The following TIPIN variants were observed in gnomAD, a reference collection of about 807,000 sequenced individuals.
TIPIN encodes TIMELESS-interacting protein.
A neutral mutation model predicts 35.6 loss-of-function variants in TIPIN; 29 were observed. The ratio of observed to expected loss-of-function variants is 0.82; its 90% confidence interval spans 0.61 to 1.11. The LOEUF is 1.11. Among genes scored for constraint, TIPIN ranks in the 50% most tolerant of loss-of-function variants. The pLI, the probability that TIPIN is intolerant of heterozygous loss-of-function variation, is 0.00. For synonymous variants in TIPIN, 102 were observed against 121.5 expected (o/e 0.84, Z 1.06); for missense variants, 296 against 345.4 (o/e 0.86, Z 1.13).
intron 1 of TIPIN, among the ~76,000 whole-genome samples, chr15:66,370,163 A>G (rs1040256023): frequency 6.6e-6 from 1 of 152,070 alleles, no homozygotes; most frequent in East Asian, 1.9e-4. Flanking sequence ...TGTCCTGAGT[A>G]TATCTTCTTT....
intron 1 of TIPIN, among the ~76,000 whole-genome samples, chr15:66,384,098 A>T (rs545363813): frequency 6.9e-6 from 1 of 143,936 alleles, no homozygotes; most frequent in Non-Finnish European, 1.5e-5. Context: ...CCGGGTTCAC[A>T]CCATTCTCCT....
intron 1 of TIPIN, chr15:66,386,315 TA>T (rs553028971): frequency 2.0e-3 from 288 of 142,128 alleles, no homozygotes; most frequent in Middle Eastern, 3.5e-3. Context: ...TTCCCAAGTC[TA>T]AAAAAAAAAA....
chr15:66,337,315 C>A, intron 7 of TIPIN, 134 bp from the exon 8 acceptor site: 9 of 550,766 alleles, frequency 1.6e-5, no homozygotes, highest in Non-Finnish European at 2.1e-5. Context: ...TGATCACTTT[C>A]TTCTAAATAT....
intron 1 of TIPIN, among the ~76,000 whole-genome samples, chr15:66,383,997 ATTTAT>A (rs2093327455): frequency 6.6e-6 from 1 of 151,696 alleles, no homozygotes; most frequent in African/African-American, 2.4e-5. Context: ...TATTTATTTA[ATTTAT>A]TTATTTATTT....
intron 1 of TIPIN, among the ~76,000 whole-genome samples, chr15:66,353,378 G>A (rs1029093389): frequency 2.2e-4 from 34 of 152,072 alleles, no homozygotes; most frequent in South Asian, 2.1e-4. Context: ...AGCACTTTGG[G>A]AGGCCGAGGC....
chr15:66,348,817 C>T (rs1462280693), intron 6 of TIPIN, among the ~76,000 whole-genome samples: 1 of 151,430 alleles, frequency 6.6e-6, no homozygotes, highest in African/African-American at 2.4e-5. Context: ...CAATGGCATG[C>T]ACCTGCAGTC....
chr15:66,378,843 C>T (rs2093307341), intron 1 of TIPIN, among the ~76,000 whole-genome samples: 1 of 151,940 alleles, frequency 6.6e-6, no homozygotes, highest in African/African-American at 2.4e-5. Flanking sequence ...CCTAAGTAAT[C>T]TTCCCACCTC....
rs75982459 is a variant in TIPIN at position 66,385,105 on chromosome 15, T to G, written c.-9+1502A>C. On this transcript the variant is annotated intron_variant, in intron 1 of 7. Transcript: ENST00000562124. The stretch of plus-strand genomic sequence containing the variant: ...TATTTAGTGACTTAATCAACCATCC[T>G]GAATGCAACTAACCTCCCATCTAAG... Among the ~76,000 whole-genome samples, 1,109 of 152,344 alleles carry G rather than the reference T, an allele frequency of 7.3e-3. 8 individuals carry two copies. The highest frequency in any genetic ancestry group is 0.012 in the Non-Finnish European group (795 of 68,020).
At chr15:66,369,652 A>G (rs974493808) in intron 1 of TIPIN, among the ~76,000 whole-genome samples, 36 of 152,150 alleles carry the variant, frequency 2.4e-4, no homozygotes, top group Admixed American at 3.9e-4. Flanking sequence ...CCGGCCTTAC[A>G]ATATCTTAAA....
chr15:66,361,736 G>A (rs919379747), intron 1 of TIPIN, among the ~76,000 whole-genome samples: 4 of 151,974 alleles, frequency 2.6e-5, no homozygotes, highest in African/African-American at 4.8e-5. Flanking sequence ...GGCCAGACAC[G>A]GTGGCTCATG....
At chr15:66,348,507 T>TAAAAAAAAAAAAA (rs386383314) in intron 6 of TIPIN, 1 of 95,188 alleles carries the variant, frequency 1.1e-5, no homozygotes, top group African/African-American at 3.8e-5. Flanking sequence ...CCATCTCTAC[T>TAAAAAAAAAAAAA]AAAAAAAAAA....
chr15:66,384,914 A>G (rs2093330818), intron 1 of TIPIN, among the ~76,000 whole-genome samples: 1 of 152,150 alleles, frequency 6.6e-6, no homozygotes, highest in Non-Finnish European at 1.5e-5. Flanking sequence ...CGCCACTCAA[A>G]AACAAAAACA....
At chr15:66,363,676 G>GACCTCACT (rs2140481045) in intron 1 of TIPIN, among the ~76,000 whole-genome samples, 1 of 148,422 alleles carries the variant, frequency 6.7e-6, no homozygotes, top group South Asian at 2.1e-4. Context: ...CTTTCTTGAT[G>GACCTCACT]ACCTCACTAT....
chr15:66,379,932 G>T, intron 1 of TIPIN: 1 of 1,234,982 alleles, frequency 8.1e-7, no homozygotes, highest in Non-Finnish European at 1.1e-6. Context: ...AGTACACACG[G>T]CAAAGGACCT....
intron 1 of TIPIN, among the ~76,000 whole-genome samples, chr15:66,380,389 C>T (rs2093314634): frequency 6.6e-6 from 1 of 152,136 alleles, no homozygotes; most frequent in Non-Finnish European, 1.5e-5. Flanking sequence ...AAAGTCCTGG[C>T]CATTTCCCAG....
At chr15:66,339,969 A>G (rs1291510722) in intron 7 of TIPIN, among the ~76,000 whole-genome samples, 1 of 151,378 alleles carries the variant, frequency 6.6e-6, no homozygotes, top group Admixed American at 6.6e-5. Flanking sequence ...TCCCAGGTTC[A>G]AGCGATTCTC....
chr15:66,378,201 C>T (rs2093304723), intron 1 of TIPIN, among the ~76,000 whole-genome samples: 1 of 152,192 alleles, frequency 6.6e-6, no homozygotes, highest in Non-Finnish European at 1.5e-5. Flanking sequence ...CAGGGTTTCA[C>T]TGTGTTGGCC....
chr15:66,386,041 T>C (rs4776784), intron 1 of TIPIN, among the ~76,000 whole-genome samples: 1 of 151,520 alleles, frequency 6.6e-6, no homozygotes, highest in Non-Finnish European at 1.5e-5. Flanking sequence ...AAAATTGGGA[T>C]TACAGGCGTG....
chr15:66,363,415 G>A (rs927561910), intron 1 of TIPIN, among the ~76,000 whole-genome samples: 23 of 152,132 alleles, frequency 1.5e-4, no homozygotes, highest in Middle Eastern at 3.2e-3. Flanking sequence ...AGGCCGAGGC[G>A]GGCGGATCAC....
Sources: gnomAD v4.1 joint callset for allele counts (sites outside exome capture counted in the v4.1 genomes callset) on GRCh38, gnomAD v4.1.1 for gene constraint, MANE v1.5 for transcripts, NCBI Gene and HGNC (gene_info 2026-07-23, HGNC 2026-07-21) for gene names.